LIN9: variants seen among roughly 807,000 people sequenced by gnomAD.
LIN9 encodes the protein lin-9 DREAM MuvB core complex component.
A neutral mutation model predicts 78.0 loss-of-function variants in LIN9; 18 were observed. That is an observed-to-expected ratio of 0.23 (90% CI 0.16 to 0.34). LIN9 has a LOEUF of 0.34. Among genes scored for constraint, LIN9 ranks in the 10% least tolerant of loss-of-function variants. The probability of loss-of-function intolerance (pLI) is 1.00; values close to 1 mark genes in which losing one functional copy is unlikely to be tolerated. For synonymous variants in LIN9, 192 were observed against 215.2 expected, an observed-to-expected ratio of 0.89 and a Z score of 0.94; for missense variants, 451 against 644.1, an observed-to-expected ratio of 0.70 and a Z score of 3.25.
At chr1:226,299,484 G>A (rs184830339) in intron 2 of LIN9, among the ~76,000 whole-genome samples, 592 of 135,060 alleles carry the variant, frequency 4.4e-3, no homozygotes, top group Non-Finnish European at 6.9e-3. Context: ...CAGCCTGGGC[G>A]ACAAACCGAG....
intron 8 of LIN9, among the ~76,000 whole-genome samples, chr1:226,266,849 G>C (rs772233759): frequency 2.6e-5 from 4 of 151,110 alleles, no homozygotes; most frequent in Non-Finnish European, 4.4e-5. Flanking sequence ...GCGCGATCTC[G>C]GATCACTGCA....
At chr1:226,252,559 G>A (rs1327236170) in intron 10 of LIN9, among the ~76,000 whole-genome samples, 1 of 152,050 alleles carries the variant, frequency 6.6e-6, no homozygotes, top group Non-Finnish European at 1.5e-5. Flanking sequence ...GTTGCATGGA[G>A]AAAAAAGGCA....
intron 10 of LIN9, among the ~76,000 whole-genome samples, chr1:226,260,776 C>G (rs548246703): frequency 6.6e-6 from 1 of 151,456 alleles, no homozygotes; most frequent in Non-Finnish European, 1.5e-5. Context: ...TCCCGAGTAA[C>G]TGGGACTACA....
At chr1:226,275,824 C>G (rs987882912) in intron 7 of LIN9, among the ~76,000 whole-genome samples, 3 of 152,018 alleles carry the variant, frequency 2.0e-5, no homozygotes, top group Non-Finnish European at 4.4e-5. Context: ...AGTTTGAGAC[C>G]AACCAGCCTG....
intron 7 of LIN9, among the ~76,000 whole-genome samples, chr1:226,272,928 T>C (rs1235666155): frequency 6.6e-6 from 1 of 150,880 alleles, no homozygotes; most frequent in Non-Finnish European, 1.5e-5. Flanking sequence ...TCTCAAACTG[T>C]CTTTTTCTCA....
At chr1:226,258,833 G>A (rs977898052) in intron 10 of LIN9, among the ~76,000 whole-genome samples, 1 of 135,786 alleles carries the variant, frequency 7.4e-6, no homozygotes, top group Non-Finnish European at 1.5e-5. Context: ...GGAGCTTGCA[G>A]TGAGCCGAGA....
chr1:226,238,947 G>A, intron 12 of LIN9, 24 bp downstream of exon 12: 2 of 1,592,894 alleles, frequency 1.3e-6, no homozygotes, highest in African/African-American at 1.3e-5. Context: ...CAAATATGGA[G>A]GGAAATCTAT....
intron 4 of LIN9, among the ~76,000 whole-genome samples, chr1:226,293,188 G>C (rs1287957111): frequency 6.6e-6 from 1 of 152,180 alleles, no homozygotes; most frequent in African/African-American, 2.4e-5. Context: ...AACTAGTAAA[G>C]AGAAAACTCA....
At chr1:226,237,048 T>G (rs576057374) in intron 12 of LIN9, among the ~76,000 whole-genome samples, 1 of 152,360 alleles carries the variant, frequency 6.6e-6, no homozygotes, top group Admixed American at 6.5e-5. Flanking sequence ...CTCTCTGATA[T>G]GTTCTTATTT....
intron 3 of LIN9, among the ~76,000 whole-genome samples, chr1:226,297,280 A>G (rs1188886492): frequency 6.6e-6 from 1 of 152,186 alleles, no homozygotes; most frequent in East Asian, 1.9e-4. Flanking sequence ...GAGAGTTCCT[A>G]AAACTGTTAG....
chr1:226,235,559 T>C lies in LIN9; in HGVS notation c.1246-2036A>G, dbSNP rs7517696. 4.3e-3 allele frequency among the ~76,000 whole-genome samples: 649 copies of C among 152,232 alleles called. 5 individuals carry two copies. The highest frequency in any genetic ancestry group is 0.015 in the African/African-American group (631 of 41,554). On this transcript the variant is annotated intron_variant, in intron 12 of 14. Transcript: ENST00000681046. The stretch of plus-strand genomic sequence containing the variant: ...ATACTTACCGGTTGAGAATCCCAAA[T>C]ACAAAACTCCAAAATCCAAACTGCT...
chr1:226,264,621 G>A (rs936571051), intron 10 of LIN9, among the ~76,000 whole-genome samples: 4 of 152,026 alleles, frequency 2.6e-5, no homozygotes, highest in Non-Finnish European at 4.4e-5. Context: ...CAAGGTGGGG[G>A]GATCACTTGA....
chr1:226,265,628 CATT>C lies in LIN9; in HGVS notation c.940_942del (p.Asn314del). On this transcript the variant is annotated inframe_deletion, in exon 10 of 15. Coordinates refer to ENST00000681046, the MANE Select transcript of LIN9 (RefSeq NM_001366245.2). This position sits in a 1 kb window ranked among gnomAD's most constrained non-coding sequence, Gnocchi z 4.1. The stretch of plus-strand genomic sequence containing the variant: ...CACGGCGACTGTCCTAATAAAGGAT[CATT>C]ATCCTATGGGAATAAAAAGGAATTA... 1 of 1,555,758 alleles carries C rather than the reference CATT, an allele frequency of 6.4e-7. No individual in the cohort carries two copies. Among genetic ancestry groups the C allele is most frequent in the Non-Finnish European group, 8.9e-7 (1 of 1,128,424 alleles).
chr1:226,274,407 T>C (rs1460850946), intron 7 of LIN9, among the ~76,000 whole-genome samples: 2 of 152,232 alleles, frequency 1.3e-5, no homozygotes, highest in African/African-American at 4.8e-5. Flanking sequence ...TTTCTGTGAC[T>C]GCTTTTAAGA....
intron 7 of LIN9, among the ~76,000 whole-genome samples, chr1:226,269,336 A>G (rs1463748094): frequency 6.6e-6 from 1 of 152,226 alleles, no homozygotes; most frequent in Non-Finnish European, 1.5e-5. Context: ...AAACAAATAT[A>G]AGCATAGAAA....
At chr1:226,301,350 G>A (rs1662524384) in intron 1 of LIN9, 145 bp from the exon 2 acceptor site, 1 of 585,116 alleles carries the variant, frequency 1.7e-6, no homozygotes, top group African/African-American at 1.9e-5. Flanking sequence ...CGAAATATCT[G>A]GCAGACAATT....
chr1:226,309,143 G>A lies in LIN9; in HGVS notation c.-4C>T. 2 of 1,367,002 alleles carry A rather than the reference G, an allele frequency of 1.5e-6. No homozygotes were observed. Among genetic ancestry groups the A allele is most frequent in the Non-Finnish European group, 1.9e-6 (2 of 1,047,140 alleles). The allele number at this position is 1,367,002 out of a possible 1,614,324, so 84.7% of individuals were successfully genotyped here. A position where few individuals can be genotyped will look rare whatever the true frequency, so the allele number is the denominator to read the frequency against. The stretch of plus-strand genomic sequence containing the variant: ...GCAACTGGTCGAGCTCCGCCATCTT[G>A]AACGAGCCGCGCCGCTTTTTCAAAG... On this transcript the variant is annotated 5_prime_UTR_variant, in exon 1 of 15. Transcript: ENST00000681046.
chr1:226,297,659 C>T, intron 3 of LIN9, 60 bp downstream of exon 3: 2 of 1,179,816 alleles, frequency 1.7e-6, no homozygotes, highest in Non-Finnish European at 2.4e-6. Flanking sequence ...TTACACATGA[C>T]AATAATACAG....
At chr1:226,300,184 T>C (rs1662436603) in intron 2 of LIN9, among the ~76,000 whole-genome samples, 1 of 152,096 alleles carries the variant, frequency 6.6e-6, no homozygotes, top group East Asian at 2.0e-4. Flanking sequence ...GTGGTCCGCC[T>C]GCCTCAGCCT....
Sources: gnomAD v4.1 joint callset for allele counts (sites outside exome capture counted in the v4.1 genomes callset) on GRCh38, gnomAD v4.1.1 for gene constraint, Gnocchi (gnomAD v3.1) non-coding constraint, MANE v1.5 for transcripts, NCBI Gene and HGNC (gene_info 2026-07-23, HGNC 2026-07-21) for gene names.